OSBPL10: variants seen among roughly 807,000 people sequenced by gnomAD.
OSBPL10 encodes the protein oxysterol binding protein like 10, also known as oxysterol-binding protein-related protein 10.
A neutral mutation model predicts 81.7 loss-of-function variants in OSBPL10; 49 were observed. The ratio of observed to expected loss-of-function variants is 0.60; its 90% CI spans 0.48 to 0.76. The LOEUF (loss-of-function observed/expected upper bound fraction) is 0.76, where lower values mean the gene tolerates loss of function less well. OSBPL10 is among the 30% of genes least tolerant of loss of function. OSBPL10 has a pLI of 0.00. For missense variants in OSBPL10, 923 were observed against 987.8 expected (o/e 0.93, Z 0.88); for synonymous variants, 419 against 383.6 (o/e 1.09, Z -1.08).
chr3:32,032,327 A>C (rs1006210490), intron 2 of OSBPL10, among the ~76,000 whole-genome samples: 3 of 152,130 alleles, frequency 2.0e-5, no homozygotes, highest in African/African-American at 7.2e-5. Flanking sequence ...AGGTGGGAGA[A>C]TCTCTTGAAC....
intron 3 of OSBPL10, among the ~76,000 whole-genome samples, chr3:31,834,987 T>A (rs1700330774): frequency 1.3e-5 from 2 of 152,150 alleles, no homozygotes; most frequent in South Asian, 4.1e-4. Flanking sequence ...ACATAAAGCA[T>A]GTGTCATAAA....
At position 31,791,969 on chromosome 3, in the gene OSBPL10, G is replaced by A. The variant is rs149712597; in HGVS notation, c.729+38071C>T. On this transcript the variant is annotated intron_variant, in intron 4 of 11. Coordinates refer to ENST00000396556, the MANE Select transcript of OSBPL10 (RefSeq NM_017784.5). ...TTTTGAAACGAGCAAGACAAAGCTG[G>A]ATGCGGTGGTTCACACCTGTAGTCC... Among the ~76,000 whole-genome samples, 788 of 152,220 alleles carry A rather than the reference G, an allele frequency of 5.2e-3. 5 individuals carry two copies. The highest frequency in any genetic ancestry group is 8.3e-3 in the Non-Finnish European group (563 of 68,016).
chr3:31,857,703 A>G (rs61672177), intron 3 of OSBPL10, among the ~76,000 whole-genome samples: 94 of 137,500 alleles, frequency 6.8e-4, no homozygotes, highest in African/African-American at 2.6e-3. Flanking sequence ...TCAACCATAA[A>G]TCTCTTGTTC....
chr3:31,880,084 C>T (rs1038484718), intron 1 of OSBPL10, among the ~76,000 whole-genome samples: 3 of 152,190 alleles, frequency 2.0e-5, no homozygotes, highest in Non-Finnish European at 4.4e-5. Flanking sequence ...TGGTGCCATG[C>T]CCACACTTCA....
intron 1 of OSBPL10, among the ~76,000 whole-genome samples, chr3:31,963,248 A>G (rs895555192): frequency 2.1e-5 from 3 of 145,458 alleles, no homozygotes; most frequent in Non-Finnish European, 4.5e-5. Context: ...ACATCCATCC[A>G]TCTCCCTCCC....
intron 1 of OSBPL10, among the ~76,000 whole-genome samples, chr3:31,955,714 A>C (rs11925653): frequency 0.19 from 29,005 of 152,166 alleles, 3,624 homozygotes; most frequent in African/African-American, 0.33. Flanking sequence ...AAAGCAGCTC[A>C]TTCAGTGCCA....
At chr3:31,743,916 C>A (rs1275707994) in intron 5 of OSBPL10, among the ~76,000 whole-genome samples, 1 of 152,186 alleles carries the variant, frequency 6.6e-6, no homozygotes, top group African/African-American at 2.4e-5. Flanking sequence ...CTGAGAGCCC[C>A]AAGTGTCTAA....
intron 2 of OSBPL10, among the ~76,000 whole-genome samples, chr3:32,001,015 G>C (rs1357622955): frequency 6.6e-6 from 1 of 152,174 alleles, no homozygotes; most frequent in African/African-American, 2.4e-5. Flanking sequence ...TCCTGGCTGT[G>C]TGGACAAGGT....
chr3:31,932,063 C>G (rs573308568), intron 1 of OSBPL10, among the ~76,000 whole-genome samples: 1 of 151,612 alleles, frequency 6.6e-6, no homozygotes, highest in Non-Finnish European at 1.5e-5. Context: ...AATAAATAAT[C>G]TTTTTAAATG....
At chr3:31,921,462 G>A (rs1296015041) in intron 1 of OSBPL10, among the ~76,000 whole-genome samples, 1 of 152,140 alleles carries the variant, frequency 6.6e-6, no homozygotes, top group Admixed American at 6.5e-5. Flanking sequence ...CACAATGATG[G>A]GGGTATGTCA....
chr3:31,741,521 C>T (rs1382625404), intron 5 of OSBPL10, among the ~76,000 whole-genome samples: 1 of 152,204 alleles, frequency 6.6e-6, no homozygotes, highest in Non-Finnish European at 1.5e-5. Context: ...CCTTGGCCTC[C>T]TGAAGTGCTG....
At chr3:31,896,338 A>G (rs574543783) in intron 1 of OSBPL10, among the ~76,000 whole-genome samples, 13 of 152,382 alleles carry the variant, frequency 8.5e-5, no homozygotes, top group African/African-American at 2.9e-4. Flanking sequence ...GCTTAGATCC[A>G]TATTCCACAG....
At chr3:31,780,460 A>G (rs1469164949) in intron 4 of OSBPL10, among the ~76,000 whole-genome samples, 1 of 152,114 alleles carries the variant, frequency 6.6e-6, no homozygotes, top group Non-Finnish European at 1.5e-5. Flanking sequence ...AGAAGAAATA[A>G]AAAAGATCAG....
chr3:31,904,937 G>C (rs1017880482), intron 1 of OSBPL10, among the ~76,000 whole-genome samples: 2 of 152,116 alleles, frequency 1.3e-5, no homozygotes, highest in East Asian at 3.9e-4. Flanking sequence ...TCTTAAACTG[G>C]AGGCAGCTAC....
At chr3:31,700,313 T>C (rs1459252075) in intron 7 of OSBPL10, 3 of 152,142 alleles carry the variant, frequency 2.0e-5, no homozygotes, top group Non-Finnish European at 4.4e-5. Context: ...AGTTGTGATA[T>C]TTCTTTATTT....
Position 31,767,774 on chromosome 3 carries a change from T to C in OSBPL10, c.730-19654A>G, listed in dbSNP as rs529299602. Among the ~76,000 whole-genome samples, 4 of 152,306 alleles carry C rather than the reference T, an allele frequency of 2.6e-5. No individual in the cohort carries two copies. In the South Asian group the frequency reaches 6.2e-4, roughly 24 times the overall value. ...GGTCTAGCCTCAGACTTCAGATTTGTTTCTTCCAGGTGAAAATGCTCTGCT... is the reference window on the plus strand; with the variant it reads ...GGTCTAGCCTCAGACTTCAGATTTGCTTCTTCCAGGTGAAAATGCTCTGCT... On this transcript the variant is annotated intron_variant, in intron 4 of 11. Coordinates refer to ENST00000396556, the MANE Select transcript of OSBPL10 (RefSeq NM_017784.5).
intron 5 of OSBPL10, 93 bp downstream of exon 5, chr3:31,747,817 G>C (rs1559446699): frequency 3.1e-6 from 4 of 1,303,680 alleles, no homozygotes; most frequent in Admixed American, 1.7e-5. Context: ...ATGGATCGTA[G>C]AGAAATGGAT....
chr3:31,809,905 T>C (rs935646445), intron 4 of OSBPL10, among the ~76,000 whole-genome samples: 7 of 146,550 alleles, frequency 4.8e-5, no homozygotes, highest in African/African-American at 1.3e-4. Context: ...GAGTTTTGCT[T>C]TTGTTGCCCA....
intron 2 of OSBPL10, among the ~76,000 whole-genome samples, chr3:31,999,451 C>T (rs1333988839): frequency 6.7e-6 from 1 of 149,862 alleles, no homozygotes; most frequent in Non-Finnish European, 1.5e-5. Flanking sequence ...ACCTCTGCCT[C>T]TTGGGTTCAA....
Sources: allele counts gnomAD v4.1 joint callset (sites outside exome capture counted in the v4.1 genomes callset), GRCh38; gene constraint gnomAD v4.1.1; transcripts MANE v1.5; gene names NCBI Gene and HGNC (gene_info 2026-07-23, HGNC 2026-07-21).